The following IPO8 variants were observed in gnomAD, a reference collection of about 807,000 sequenced individuals.
IPO8 encodes importin-8.
In IPO8, 65 loss-of-function variants were observed where a neutral mutation model predicts 141.2. The observed-to-expected ratio is 0.46, with a 90% CI of 0.38 to 0.57. The LOEUF is 0.57. IPO8 is among the 20% of genes least tolerant of loss of function. IPO8 has a pLI of 0.00. For missense variants in IPO8, 980 were observed against 1,246.8 expected (o/e 0.79, Z 3.22); for synonymous variants, 411 against 420.3 (o/e 0.98, Z 0.27).
chr12:30,653,960 T>C (rs73292874), intron 17 of IPO8, among the ~76,000 whole-genome samples: 35,258 of 151,918 alleles, frequency 0.23, 4,348 homozygotes, highest in Middle Eastern at 0.3. Flanking sequence ...TATCTAAATA[T>C]GGAATTTCTA....
At position 30,684,388 on chromosome 12, in the gene IPO8, A is replaced by G; in HGVS notation, c.236T>C (p.Ile79Thr). The change falls in exon 3 of 25, where the codon ATA (isoleucine) becomes ACA (threonine). Residue 79 changes from isoleucine to threonine, a missense_variant. Ile to Thr is a moderately conservative substitution (Grantham distance 89, BLOSUM62 -1). Around this residue, in one of 3 missense-constraint regions of IPO8, gnomAD observed 924 missense variants for 1,153.9 expected, o/e 0.80. Transcript: ENST00000256079. ...PDREPPPGEA[I>T]FPFNIHENDR... is the part of the protein sequence containing the mutation. Reference sequence around the variant, plus strand: ...GTTTTCGTGAATGTTGAATGGAAATATTGCTTCTCCTGGTGGAGGTTCTCG... The same window carrying G: ...GTTTTCGTGAATGTTGAATGGAAATGTTGCTTCTCCTGGTGGAGGTTCTCG... 1 of 1,614,092 alleles carries G rather than the reference A, an allele frequency of 6.2e-7. No homozygotes were observed. Among genetic ancestry groups the G allele is most frequent in the African/African-American group, 1.3e-5 (1 of 75,048 alleles).
chr12:30,695,621 C>G lies in IPO8; in HGVS notation c.27G>C (p.Ala9=). 6.2e-7 allele frequency: 1 copy of G among 1,614,124 alleles called. No homozygotes were observed. Among genetic ancestry groups the G allele is most frequent in the Non-Finnish European group, 8.5e-7 (1 of 1,179,978 alleles). Residue 9 remains alanine, a synonymous_variant, in exon 1 of 25, where the codon GCG becomes GCC. Coordinates refer to ENST00000256079, the MANE Select transcript of IPO8 (RefSeq NM_006390.4). The surrounding 1 kb of genome is among the most constrained non-coding windows in gnomAD (Gnocchi z 4.2). ...ACTTCGGGTCGATGGTGCCCTTCAGCGCCTGGATGATCCGGTTGAGGTCCA... is the reference window on the plus strand; with the variant it reads ...ACTTCGGGTCGATGGTGCCCTTCAGGGCCTGGATGATCCGGTTGAGGTCCA... The part of the protein sequence containing the change: MDLNRIIQ[A]LKGTIDPKLR...
rs141738242 is a variant in IPO8, at chr12:30,654,128, A to C, written c.1949-1036T>G. Among the ~76,000 whole-genome samples the C allele has an allele frequency of 2.8e-3, 424 of 152,146 alleles. 8 individuals carry two copies. The highest frequency in any genetic ancestry group is 9.1e-3 in the African/African-American group (378 of 41,552). On this transcript the variant is annotated intron_variant, in intron 17 of 24. Coordinates refer to ENST00000256079, the MANE Select transcript of IPO8 (RefSeq NM_006390.4). The stretch of plus-strand genomic sequence containing the variant: ...AAGGACAGTCTCTTCAATAAATGGC[A>C]CTGGGAAAACTAAATATCCATTTGC...
At chr12:30,687,799 C>T (rs1217852327) in intron 2 of IPO8, among the ~76,000 whole-genome samples, 1 of 152,150 alleles carries the variant, frequency 6.6e-6, no homozygotes, top group Non-Finnish European at 1.5e-5. Flanking sequence ...TCAATCTTAA[C>T]AAATAACCTC....
intron 22 of IPO8, among the ~76,000 whole-genome samples, chr12:30,635,867 C>A (rs1253656230): frequency 6.6e-6 from 1 of 151,866 alleles, no homozygotes; most frequent in Non-Finnish European, 1.5e-5. Flanking sequence ...GTAGGAAGTA[C>A]AAGAAAGTGT....
Position 30,633,294 on chromosome 12 carries a change from G to A in IPO8, c.2899+789C>T, listed in dbSNP as rs2052458564. Among the ~76,000 whole-genome samples the A allele has an allele frequency of 2.6e-5, 4 of 151,848 alleles. No homozygotes were observed. The South Asian group carries it at 6.2e-4, about 24-fold the overall frequency. ...TGTTCATTTTAATAACCCTCATAAT[G>A]GTAAAAACATTGGAAACAATCTTAA... is the stretch of plus-strand genomic sequence containing the variant. On this transcript the variant is annotated intron_variant, in intron 23 of 24. Transcript: ENST00000256079.
At chr12:30,652,439 G>A (rs887166526) in intron 18 of IPO8, 150 bp from the exon 19 acceptor site, 7 of 623,850 alleles carry the variant, frequency 1.1e-5, no homozygotes, top group Admixed American at 3.0e-5. Flanking sequence ...AGTCTGATGT[G>A]TATTTATAGA....
At position 30,630,719 on chromosome 12, in the gene IPO8, A is replaced by C; in HGVS notation, c.*141T>G. ...AAGGTCAAAGGGGAAAGAGTAGATA[A>C]AAGTGCTGCCTAATGCCAGATGGTA... On this transcript the variant is annotated 3_prime_UTR_variant, in exon 25 of 25. Coordinates refer to ENST00000256079, the MANE Select transcript of IPO8 (RefSeq NM_006390.4). 1.6e-6 allele frequency: 1 copy of C among 639,168 alleles called. No individual in the cohort carries two copies. The highest frequency in any genetic ancestry group is 2.8e-6 in the Non-Finnish European group (1 of 359,628). The allele number at this position is 639,168 out of a possible 1,614,324, so 39.6% of individuals were successfully genotyped here.
intron 21 of IPO8, among the ~76,000 whole-genome samples, chr12:30,639,268 TTAAAAAAAATAAA>T (rs2052545112): frequency 6.6e-6 from 1 of 151,900 alleles, no homozygotes; most frequent in Admixed American, 6.6e-5. Flanking sequence ...ACACTTGTGT[TTAAAAAAAATAAA>T]TAAAAAAAAT....
chr12:30,632,058 A>G, intron 23 of IPO8, 47 bp from the exon 24 acceptor site: 1 of 1,267,358 alleles, frequency 7.9e-7, no homozygotes, highest in East Asian at 2.3e-5. Flanking sequence ...GCGACTATTA[A>G]TTTACAGAAC....
chr12:30,687,815 AAATAACC>A (rs1334527890), intron 2 of IPO8, among the ~76,000 whole-genome samples: 3 of 152,168 alleles, frequency 2.0e-5, no homozygotes, highest in Non-Finnish European at 4.4e-5. Flanking sequence ...ACCTCTAAAC[AAATAACC>A]ACAGAATGAA....
intron 2 of IPO8, among the ~76,000 whole-genome samples, chr12:30,688,972 T>A (rs941716985): frequency 6.6e-6 from 1 of 152,066 alleles, no homozygotes; most frequent in Non-Finnish European, 1.5e-5. Context: ...TGTCCATCAA[T>A]ATCAAATCGT....
chr12:30,680,198 T>G (rs1030110441), intron 5 of IPO8, among the ~76,000 whole-genome samples: 4 of 152,194 alleles, frequency 2.6e-5, no homozygotes, highest in African/African-American at 4.8e-5. Flanking sequence ...ACAGAACAGA[T>G]AGTTGCGAGT....
intron 23 of IPO8, 85 bp downstream of exon 23, chr12:30,633,998 T>C: frequency 7.8e-7 from 1 of 1,285,646 alleles, no homozygotes; most frequent in East Asian, 2.5e-5. Flanking sequence ...CCTAGACCAA[T>C]CTTGGGCAAA....
chr12:30,642,149 TC>T (rs1468739880), intron 20 of IPO8, among the ~76,000 whole-genome samples: 13 of 151,638 alleles, frequency 8.6e-5, no homozygotes, highest in African/African-American at 2.9e-4. Context: ...TGAGCCGAGA[TC>T]AAGCCATTTG....
In IPO8 at chr12:30,666,224, G is replaced by A. The variant is rs1565503135; in HGVS notation, c.1172C>T (p.Thr391Ile). The change falls in exon 11 of 25, where the codon ACC becomes ATC. Residue 391 changes from threonine (T) to isoleucine (I), a missense_variant. Physicochemically the swap from Thr to Ile is moderately conservative, Grantham distance 89. Transcript: ENST00000256079. ...ATATAAGAGAGTCTGGGCTGCTGTG[G>A]TGGGAGAAGCATAATCTTCAAAAAT... ...FDIFEDYASP[T>I]TAAQTLLYTA... 1 of 1,591,946 alleles carries A rather than the reference G, an allele frequency of 6.3e-7. No individual in the cohort carries two copies.
At chr12:30,642,954 G>C (rs1049760818) in intron 20 of IPO8, among the ~76,000 whole-genome samples, 1 of 152,002 alleles carries the variant, frequency 6.6e-6, no homozygotes, top group Non-Finnish European at 1.5e-5. Context: ...ACATTCATAA[G>C]GATACTAAAA....
At chr12:30,633,848 G>GGCT (rs1299662984) in intron 23 of IPO8, among the ~76,000 whole-genome samples, 1 of 152,174 alleles carries the variant, frequency 6.6e-6, no homozygotes, top group Non-Finnish European at 1.5e-5. Context: ...ATAACATACA[G>GGCT]GCTCACCCTG....
chr12:30,668,741 G>C (rs1465301982), intron 10 of IPO8, among the ~76,000 whole-genome samples: 1 of 152,084 alleles, frequency 6.6e-6, no homozygotes, highest in Admixed American at 6.6e-5. Context: ...CACACAGTAG[G>C]GCCCCCATAC....
Sources: allele counts gnomAD v4.1 joint callset (sites outside exome capture counted in the v4.1 genomes callset), GRCh38; gene constraint gnomAD v4.1.1; regional missense constraint gnomAD v4.1.1; non-coding constraint Gnocchi (gnomAD v3.1); transcripts MANE v1.5; gene names NCBI Gene and HGNC (gene_info 2026-07-23, HGNC 2026-07-21).